SLC6A6: variants seen among roughly 807,000 people sequenced by gnomAD.
The protein encoded by SLC6A6 is solute carrier family 6 member 6.
A neutral mutation model predicts 68.8 loss-of-function variants in SLC6A6; 16 were observed. The observed-to-expected ratio is 0.23, with a 90% CI of 0.16 to 0.35. SLC6A6 has a LOEUF of 0.35. SLC6A6 is among the 10% of genes least tolerant of loss of function. SLC6A6 has a pLI of 1.00. For synonymous variants in SLC6A6, 312 were observed against 315.4 expected (o/e 0.99, Z 0.12); for missense variants, 474 against 802.8 (o/e 0.59, Z 4.95).
At chr3:14,409,819 C>G (rs563518193) in intron 1 of SLC6A6, among the ~76,000 whole-genome samples, 2 of 151,406 alleles carry the variant, frequency 1.3e-5, no homozygotes, top group Non-Finnish European at 3.0e-5. Context: ...ACCTTCTCTG[C>G]CCACCCACTT....
At chr3:14,407,893 A>AT (rs936062177) in intron 1 of SLC6A6, among the ~76,000 whole-genome samples, 1 of 151,624 alleles carries the variant, frequency 6.6e-6, no homozygotes, top group East Asian at 1.9e-4. Flanking sequence ...TCTTTTGTCC[A>AT]TTTTTTTCTG....
intron 1 of SLC6A6, among the ~76,000 whole-genome samples, chr3:14,408,678 G>C (rs1699164570): frequency 6.6e-6 from 1 of 152,168 alleles, no homozygotes; most frequent in Non-Finnish European, 1.5e-5. Flanking sequence ...TTATCCAGGT[G>C]TGCATATGGA....
intron 6 of SLC6A6, among the ~76,000 whole-genome samples, chr3:14,460,216 A>G (rs1700464796): frequency 2.6e-5 from 4 of 152,114 alleles, no homozygotes; most frequent in Admixed American, 2.0e-4. Flanking sequence ...GCTGGGGGAC[A>G]TGCAGTGGTT....
rs1475740930 is a variant in SLC6A6, at chr3:14,489,284, C to G, written c.*4277C>G. ...TATCAATATTTTAAATTCATCTTTG[C>G]TTTTTTTAGAGGAGTTTGTAATCAC... On this transcript the variant is annotated 3_prime_UTR_variant, in exon 15 of 15. Transcript: ENST00000622186. 2 of 152,370 alleles carry G rather than the reference C, an allele frequency of 1.3e-5. No individual in the cohort carries two copies. Among genetic ancestry groups the G allele is most frequent in the African/African-American group, 2.4e-5 (1 of 41,346 alleles). The allele number at this position is 152,370 out of a possible 1,614,324, so 9.4% of individuals were successfully genotyped here.
Position 14,468,764 on chromosome 3 carries a change from G to A in SLC6A6, c.1096+552G>A, listed in dbSNP as rs1172646500. ...GCGTAGATGAGGGGACGACCTACTG[G>A]GACGGTGGCAGATCCAACTGGGGGT... On this transcript the variant is annotated intron_variant, in intron 9 of 14. Coordinates refer to ENST00000622186, the MANE Select transcript of SLC6A6 (RefSeq NM_003043.6). This position sits in a 1 kb window ranked among gnomAD's most constrained non-coding sequence, Gnocchi z 4.5. Among the ~76,000 whole-genome samples the A allele has an allele frequency of 6.6e-6, 1 of 152,314 alleles. No individual in the cohort carries two copies. The highest frequency in any genetic ancestry group is 1.5e-5 in the Non-Finnish European group (1 of 68,032).
At chr3:14,462,605 A>G (rs1465095011) in intron 6 of SLC6A6, among the ~76,000 whole-genome samples, 1 of 152,202 alleles carries the variant, frequency 6.6e-6, no homozygotes, top group East Asian at 1.9e-4. Context: ...AGGCTGAGGT[A>G]GGAGGATCTC....
chr3:14,432,463 G>A (rs903834089), intron 2 of SLC6A6, among the ~76,000 whole-genome samples: 6 of 152,126 alleles, frequency 3.9e-5, no homozygotes, highest in South Asian at 2.1e-4. Flanking sequence ...CACTCCTTCC[G>A]CAGGCTCCAG....
At chr3:14,412,186 C>G (rs940490212) in intron 1 of SLC6A6, among the ~76,000 whole-genome samples, 6 of 152,160 alleles carry the variant, frequency 3.9e-5, no homozygotes, top group Non-Finnish European at 7.4e-5. Context: ...TGCAGTCATC[C>G]TCTTGGTGGT....
rs112970982 is a variant in SLC6A6, at chr3:14,447,918, G to A, written c.599+102G>A. The A allele has an allele frequency of 4.1e-4, 622 of 1,524,778 alleles. 5 individuals are homozygous for A. In the African/African-American group the frequency reaches 7.1e-3, roughly 17 times the overall value. 94.5% of individuals were successfully genotyped at this position (1,524,778 alleles called of 1,614,324 possible). A position where few individuals can be genotyped will look rare whatever the true frequency, so the allele number is the denominator to read the frequency against. ...CTGGGATACAGGAGCCACTGTCTTC[G>A]GGGGAGTGGGAGGAGGGTGCAGATC... On this transcript the variant is annotated intron_variant, in intron 5 of 14. Coordinates refer to ENST00000622186, the MANE Select transcript of SLC6A6 (RefSeq NM_003043.6).
chr3:14,444,326 A>G lies in SLC6A6; in HGVS notation c.229+463A>G, dbSNP rs113586737. 132 of 187,764 alleles carry G rather than the reference A, an allele frequency of 7.0e-4. 2 individuals are homozygous for G. Among genetic ancestry groups the G allele is most frequent in the African/African-American group, 2.2e-3 (95 of 42,742 alleles). The allele number at this position is 187,764 out of a possible 1,614,324, so 11.6% of individuals were successfully genotyped here. On this transcript the variant is annotated intron_variant, in intron 3 of 14. Transcript: ENST00000622186. ...TACCCGCTGTAGATGGAAAACTGGT[A>G]TCATTTGTCATGCTCCAAAGGTATC...
At chr3:14,483,589 G>A (rs149886847) in intron 14 of SLC6A6, among the ~76,000 whole-genome samples, 1 of 152,222 alleles carries the variant, frequency 6.6e-6, no homozygotes, top group African/African-American at 2.4e-5. Context: ...GGAAGTCATG[G>A]GGGTAGGGCT....
At chr3:14,459,883 CTTTTTTT>C (rs869191764) in intron 6 of SLC6A6, among the ~76,000 whole-genome samples, 15 of 40,174 alleles carry the variant, frequency 3.7e-4, no homozygotes, top group Non-Finnish European at 5.2e-4. Context: ...TAATTCTCTT[CTTTTTTT>C]TTTTTTTTTT....
intron 2 of SLC6A6, among the ~76,000 whole-genome samples, chr3:14,440,771 T>G (rs969113890): frequency 2.6e-5 from 4 of 152,058 alleles, no homozygotes; most frequent in African/African-American, 9.7e-5. Flanking sequence ...GGAATGGGCT[T>G]CTTCAGGGGC....
At chr3:14,467,022 C>A (rs191652602) in intron 7 of SLC6A6, among the ~76,000 whole-genome samples, 4 of 152,148 alleles carry the variant, frequency 2.6e-5, no homozygotes, top group Non-Finnish European at 5.9e-5. Context: ...ATGGGAGAGT[C>A]GGGGCCTGGA....
chr3:14,472,067 C>T lies in SLC6A6; in HGVS notation c.1097-138C>T. ...CCCAAAGGCGAGACAGGCCTGGTCT[C>T]TTTCCCCAGGCCAGAGTTCAGACCT... On this transcript the variant is annotated intron_variant, in intron 9 of 14. Transcript: ENST00000622186. The surrounding 1 kb of genome is among the most constrained non-coding windows in gnomAD (Gnocchi z 4.5). The T allele has an allele frequency of 1.6e-6, 1 of 627,462 alleles. No individual in the cohort carries two copies. The highest frequency in any genetic ancestry group is 1.8e-5 in the African/African-American group (1 of 54,380). The allele number at this position is 627,462 out of a possible 1,614,324, so 38.9% of individuals were successfully genotyped here. A position where few individuals can be genotyped will look rare whatever the true frequency, so the allele number is the denominator to read the frequency against.
chr3:14,453,926 C>T (rs948969532), intron 5 of SLC6A6, among the ~76,000 whole-genome samples: 5 of 152,186 alleles, frequency 3.3e-5, no homozygotes, highest in Non-Finnish European at 5.9e-5. Context: ...CAGATAGCAG[C>T]TAGGGTGGCT....
At chr3:14,417,266 C>T (rs574862538) in intron 2 of SLC6A6, among the ~76,000 whole-genome samples, 5 of 152,310 alleles carry the variant, frequency 3.3e-5, no homozygotes, top group Admixed American at 1.3e-4. Flanking sequence ...TCGCATTATG[C>T]CCTTCGTTGA....
rs1369747818 is a variant in SLC6A6 at position 14,487,896 on chromosome 3, TTTA to T, written c.*2891_*2893del. Reference sequence around the variant, plus strand: ...TCTTCCTGACAACCAAAGACAAGCCTTTATGGAAAAGGAAATGCGCTCCCCTCC... The same window carrying T: ...TCTTCCTGACAACCAAAGACAAGCCTTGGAAAAGGAAATGCGCTCCCCTCC... On this transcript the variant is annotated 3_prime_UTR_variant, in exon 15 of 15. Coordinates refer to ENST00000622186, the MANE Select transcript of SLC6A6 (RefSeq NM_003043.6). The T allele has an allele frequency of 6.6e-6, 1 of 152,514 alleles. No individual in the cohort carries two copies. Among genetic ancestry groups the T allele is most frequent in the Non-Finnish European group, 1.5e-5 (1 of 68,058 alleles). The allele number at this position is 152,514 out of a possible 1,614,324, so 9.4% of individuals were successfully genotyped here.
rs537765338 is a variant in SLC6A6, at chr3:14,458,839, T to C, written c.732+757T>C. ...TATTATTCATAACTGGAGTGTTTGC[T>C]GCTGATTAATATGTCACATAGTGAC... On this transcript the variant is annotated intron_variant, in intron 6 of 14. Transcript: ENST00000622186. 1.0e-4 allele frequency among the ~76,000 whole-genome samples: 16 copies of C among 152,388 alleles called. 2 individuals are homozygous for C. Among genetic ancestry groups the C allele is most frequent in the Admixed American group, 1.0e-3 (16 of 15,308 alleles).
Sources: allele counts gnomAD v4.1 joint callset (sites outside exome capture counted in the v4.1 genomes callset), GRCh38; gene constraint gnomAD v4.1.1; non-coding constraint Gnocchi (gnomAD v3.1); transcripts MANE v1.5; gene names NCBI Gene and HGNC (gene_info 2026-07-23, HGNC 2026-07-21).